JARID2: variants seen among roughly 807,000 people sequenced by gnomAD.
JARID2 encodes jumonji and AT-rich interaction domain containing 2, also known as protein Jumonji.
In JARID2, 21 loss-of-function variants were observed where a neutral mutation model predicts 125.6. The observed-to-expected ratio is 0.17, with a 90% CI of 0.12 to 0.24. The LOEUF is 0.24. Among genes scored for constraint, JARID2 ranks in the 10% least tolerant of loss-of-function variants. The pLI is 1.00. For synonymous variants in JARID2, 736 were observed against 661.6 expected, an observed-to-expected ratio of 1.11 and a Z score of -1.73; for missense variants, 1,303 against 1,639.6, an observed-to-expected ratio of 0.79 and a Z score of 3.55.
intron 1 of JARID2, chr6:15,247,539 T>TTG: frequency 2.0e-6 from 2 of 982,828 alleles, no homozygotes; most frequent in Non-Finnish European, 1.2e-6. Flanking sequence ...AACTCTTTTT[T>TTG]TTTTTCAAAA....
intron 3 of JARID2, among the ~76,000 whole-genome samples, chr6:15,417,605 C>T (rs1766290041): frequency 6.6e-6 from 1 of 152,046 alleles, no homozygotes; most frequent in Non-Finnish European, 1.5e-5. Context: ...TTAGCTGGGC[C>T]TGTTGACATG....
At chr6:15,418,534 G>A (rs1248250007) in intron 3 of JARID2, among the ~76,000 whole-genome samples, 2 of 152,122 alleles carry the variant, frequency 1.3e-5, no homozygotes, top group Admixed American at 6.6e-5. Flanking sequence ...CTTTAGAAGG[G>A]TATATTGCTT....
In JARID2 at chr6:15,507,367, C is replaced by T; in HGVS notation, c.2682C>T (p.Val894=). Residue 894 remains valine (V), a synonymous_variant, in exon 11 of 18, where the codon GTC becomes GTT. Transcript: ENST00000341776. ...PFSRHGWNLT[V]LPNNTGSILR... is the part of the protein sequence containing the mutation. ...GCAGGCATGGATGGAACCTCACCGT[C>T]CTCCCCAATAACACAGGGTCCATCC... The T allele has an allele frequency of 1.9e-6, 3 of 1,614,122 alleles. No individual in the cohort carries two copies. The highest frequency in any genetic ancestry group is 2.5e-6 in the Non-Finnish European group (3 of 1,179,990).
At chr6:15,262,712 A>G (rs566964883) in intron 1 of JARID2, among the ~76,000 whole-genome samples, 1 of 151,786 alleles carries the variant, frequency 6.6e-6, no homozygotes, top group East Asian at 1.9e-4. Context: ...TAATTTTTGT[A>G]TTCTTAGTAG....
intron 1 of JARID2, among the ~76,000 whole-genome samples, chr6:15,271,363 T>TAACAAACTCTCAGGGCCCAAA (rs1760288968): frequency 6.6e-6 from 1 of 152,238 alleles, no homozygotes; most frequent in African/African-American, 2.4e-5. Context: ...CTACACTTCG[T>TAACAAACTCTCAGGGCCCAAA]GTAGCAAGAC....
In JARID2 at chr6:15,469,424, TTTTCCTTTC is replaced by T. The variant is rs1287841422; in HGVS notation, c.670+720_670+728del. The stretch of plus-strand genomic sequence containing the variant: ...CCTCTCCCCCTCTCCGCTTCTCCGC[TTTTCCTTTC>T]TTTCCTTTCTTTCTTTTGTGACGGA... On this transcript the variant is annotated intron_variant, in intron 5 of 17. Coordinates refer to ENST00000341776, the MANE Select transcript of JARID2 (RefSeq NM_004973.4). Among the ~76,000 whole-genome samples the T allele has an allele frequency of 5.5e-3, 547 of 98,982 alleles. 9 individuals are homozygous for T. The highest frequency in any genetic ancestry group is 0.02 in the African/African-American group (524 of 26,362). 64.9% of individuals were successfully genotyped at this position (98,982 alleles called of 152,430 possible).
intron 1 of JARID2, among the ~76,000 whole-genome samples, chr6:15,333,189 C>T (rs1453757873): frequency 6.6e-6 from 1 of 152,134 alleles, no homozygotes; most frequent in East Asian, 1.9e-4. Flanking sequence ...GCCTCGGCCT[C>T]CCAAAGTGCT....
chr6:15,358,952 G>A (rs141141464), intron 1 of JARID2, among the ~76,000 whole-genome samples: 367 of 152,346 alleles, frequency 2.4e-3, no homozygotes, highest in Non-Finnish European at 4.1e-3. Context: ...GGGTGAGGAA[G>A]TCATTAAGTG....
At chr6:15,249,412 T>C (rs955142844) in intron 1 of JARID2, among the ~76,000 whole-genome samples, 3 of 152,202 alleles carry the variant, frequency 2.0e-5, no homozygotes, top group African/African-American at 4.8e-5. Context: ...GGAAGACTTG[T>C]CATTGATAAA....
intron 5 of JARID2, among the ~76,000 whole-genome samples, chr6:15,470,334 C>T (rs1307253320): frequency 1.3e-5 from 2 of 152,206 alleles, no homozygotes; most frequent in Admixed American, 6.5e-5. Flanking sequence ...GCCTTGTCTA[C>T]AAATGGCGGA....
chr6:15,386,634 T>C (rs1429568491), intron 2 of JARID2, among the ~76,000 whole-genome samples: 1 of 152,256 alleles, frequency 6.6e-6, no homozygotes, highest in Non-Finnish European at 1.5e-5. Flanking sequence ...TTGAGTTCTT[T>C]AAATGTATTT....
intron 1 of JARID2, among the ~76,000 whole-genome samples, chr6:15,255,317 A>G (rs890868791): frequency 6.6e-5 from 10 of 151,960 alleles, no homozygotes; most frequent in Non-Finnish European, 1.3e-4. Flanking sequence ...GTTGGCCAGG[A>G]TGGTCTCTAT....
rs1183186262 is a variant in JARID2, at chr6:15,473,394, A to G, written c.670+4676A>G. Reference sequence around the variant, plus strand: ...CTGTCAGAAACGTCAGAAGACATTCAGGTCTTTACGTGTGTTTCTCCTGAT... The same window carrying G: ...CTGTCAGAAACGTCAGAAGACATTCGGGTCTTTACGTGTGTTTCTCCTGAT... On this transcript the variant is annotated intron_variant, in intron 5 of 17. Transcript: ENST00000341776. 2.6e-5 allele frequency among the ~76,000 whole-genome samples: 4 copies of G among 151,626 alleles called. No individual in the cohort carries two copies. The South Asian group carries it at 8.4e-4, about 32-fold the overall frequency.
chr6:15,489,520 C>A (rs1770045529), intron 6 of JARID2, among the ~76,000 whole-genome samples: 1 of 152,224 alleles, frequency 6.6e-6, no homozygotes, highest in African/African-American at 2.4e-5. Flanking sequence ...ACTTGGCCTT[C>A]ATTCAGTTCA....
intron 4 of JARID2, among the ~76,000 whole-genome samples, 186 bp from the exon 5 acceptor site, chr6:15,468,356 G>A (rs1561883401): frequency 6.6e-6 from 1 of 151,978 alleles, no homozygotes; most frequent in Non-Finnish European, 1.5e-5. Flanking sequence ...CCTGCTGGGG[G>A]ATTTTGCTTG....
At chr6:15,312,281 C>T (rs1450014472) in intron 1 of JARID2, among the ~76,000 whole-genome samples, 1 of 152,192 alleles carries the variant, frequency 6.6e-6, no homozygotes, top group Non-Finnish European at 1.5e-5. Flanking sequence ...GCTCGAACTC[C>T]TGACCTCGTG....
chr6:15,423,255 C>T (rs1766580882), intron 3 of JARID2, among the ~76,000 whole-genome samples: 1 of 152,140 alleles, frequency 6.6e-6, no homozygotes, highest in Admixed American at 6.5e-5. Flanking sequence ...CTGACTCAGC[C>T]TCCCATTGTT....
At chr6:15,314,334 T>TA (rs10715131) in intron 1 of JARID2, among the ~76,000 whole-genome samples, 3 of 151,894 alleles carry the variant, frequency 2.0e-5, no homozygotes, top group Admixed American at 6.6e-5. Context: ...TACAATAATT[T>TA]AAAAAAAATG....
At chr6:15,274,267 A>G (rs1477394756) in intron 1 of JARID2, among the ~76,000 whole-genome samples, 1 of 152,112 alleles carries the variant, frequency 6.6e-6, no homozygotes, top group Non-Finnish European at 1.5e-5. Context: ...TTTGGGGGGC[A>G]TTAAGGAAAT....
Sources: gnomAD v4.1 joint callset for allele counts (sites outside exome capture counted in the v4.1 genomes callset) on GRCh38, gnomAD v4.1.1 for gene constraint, MANE v1.5 for transcripts, NCBI Gene and HGNC (gene_info 2026-07-23, HGNC 2026-07-21) for gene names.